The following PPM1H variants were observed in gnomAD, a reference collection of about 807,000 sequenced individuals.
The protein encoded by PPM1H is protein phosphatase, Mg2+/Mn2+ dependent 1H.
A neutral mutation model predicts 54.9 loss-of-function variants in PPM1H; 27 were observed. The observed-to-expected ratio is 0.49, with a 90% CI of 0.36 to 0.68. The LOEUF (loss-of-function observed/expected upper bound fraction) is 0.68. Among genes scored for constraint, PPM1H ranks in the 30% least tolerant of loss-of-function variants. The probability of loss-of-function intolerance (pLI) is 0.00; values close to 1 mark genes in which losing one functional copy is unlikely to be tolerated. For synonymous variants in PPM1H, 305 were observed against 270.8 expected, an observed-to-expected ratio of 1.13 and a Z score of -1.24; for missense variants, 596 against 667.8, an observed-to-expected ratio of 0.89 and a Z score of 1.19.
intron 2 of PPM1H, among the ~76,000 whole-genome samples, chr12:62,804,666 C>CTTTTTTTTT (rs1162966258): frequency 7.4e-6 from 1 of 134,282 alleles, no homozygotes; most frequent in African/African-American, 2.9e-5. Flanking sequence ...TGGTTAATTT[C>CTTTTTTTTT]TTTTTTTTTC....
chr12:62,924,650 T>C (rs1419612383), intron 1 of PPM1H, among the ~76,000 whole-genome samples: 1 of 152,230 alleles, frequency 6.6e-6, no homozygotes, highest in African/African-American at 2.4e-5. Flanking sequence ...AAAAACAGAA[T>C]ACATTTTCTT....
intron 4 of PPM1H, among the ~76,000 whole-genome samples, chr12:62,773,514 G>A (rs1025309530): frequency 1.3e-5 from 2 of 151,966 alleles, no homozygotes; most frequent in Non-Finnish European, 2.9e-5. Flanking sequence ...GAAAAATAAA[G>A]GGATGAAAGA....
At chr12:62,842,591 A>G (rs1368635265) in intron 1 of PPM1H, among the ~76,000 whole-genome samples, 1 of 152,238 alleles carries the variant, frequency 6.6e-6, no homozygotes, top group East Asian at 1.9e-4. Context: ...ATATTGGACT[A>G]TCTAGGCCTC....
chr12:62,856,430 C>T (rs1343246049), intron 1 of PPM1H, among the ~76,000 whole-genome samples: 1 of 152,148 alleles, frequency 6.6e-6, no homozygotes, highest in Non-Finnish European at 1.5e-5. Context: ...TGCCCAGTGT[C>T]CCACAAACCA....
chr12:62,883,912 G>A (rs744477), intron 1 of PPM1H, among the ~76,000 whole-genome samples: 5,801 of 151,836 alleles, frequency 0.038, 382 homozygotes, highest in African/African-American at 0.12. Flanking sequence ...AACAGAGTCT[G>A]AGGTCTATTT....
At chr12:62,680,439 T>A (rs2076013266) in intron 8 of PPM1H, among the ~76,000 whole-genome samples, 1 of 152,110 alleles carries the variant, frequency 6.6e-6, no homozygotes, top group African/African-American at 2.4e-5. Context: ...TACCTTAGCC[T>A]CCAAGTAGCT....
chr12:62,848,192 ATAAAT>A (rs1319346644), intron 1 of PPM1H, among the ~76,000 whole-genome samples: 4 of 152,360 alleles, frequency 2.6e-5, no homozygotes, highest in Non-Finnish European at 4.4e-5. Flanking sequence ...GACATGAAGT[ATAAAT>A]TAATCAGTAA....
intron 9 of PPM1H, among the ~76,000 whole-genome samples, chr12:62,659,463 G>A (rs909717560): frequency 4.6e-5 from 7 of 152,192 alleles, no homozygotes; most frequent in Non-Finnish European, 1.0e-4. Context: ...ATGGTGTGAG[G>A]GTCAGAACAC....
chr12:62,876,916 C>T (rs541443972), intron 1 of PPM1H, among the ~76,000 whole-genome samples: 21 of 152,298 alleles, frequency 1.4e-4, no homozygotes, highest in South Asian at 4.1e-4. Flanking sequence ...TTTTTAAGCA[C>T]ACACCCACAT....
At chr12:62,925,381 C>A (rs1168018149) in intron 1 of PPM1H, among the ~76,000 whole-genome samples, 3 of 152,080 alleles carry the variant, frequency 2.0e-5, no homozygotes, top group Non-Finnish European at 4.4e-5. Flanking sequence ...GAGTTCAAGA[C>A]CAGCCTGGGC....
At chr12:62,738,349 T>A (rs531819272) in intron 4 of PPM1H, among the ~76,000 whole-genome samples, 1 of 151,858 alleles carries the variant, frequency 6.6e-6, no homozygotes, top group African/African-American at 2.4e-5. Flanking sequence ...TAGGGTGATA[T>A]CCTGGGTCCA....
At chr12:62,778,444 T>C (rs1414425872) in intron 4 of PPM1H, among the ~76,000 whole-genome samples, 2 of 152,120 alleles carry the variant, frequency 1.3e-5, no homozygotes, top group East Asian at 1.9e-4. Flanking sequence ...ACACCCTTTC[T>C]TGAGTGCTCC....
chr12:62,896,663 T>C (rs561762325), intron 1 of PPM1H, among the ~76,000 whole-genome samples: 152 of 152,292 alleles, frequency 1.0e-3, no homozygotes, highest in South Asian at 7.9e-3. Flanking sequence ...GACTGTAAAC[T>C]AGTTCAACCA....
chr12:62,755,733 C>T (rs1592581922), intron 4 of PPM1H: 7 of 739,968 alleles, frequency 9.5e-6, no homozygotes, highest in East Asian at 2.5e-5. Context: ...ACTCCGGTAT[C>T]GTGGAAGGAC....
At chr12:62,726,336 A>G (rs2076289075) in intron 5 of PPM1H, among the ~76,000 whole-genome samples, 1 of 152,220 alleles carries the variant, frequency 6.6e-6, no homozygotes, top group Non-Finnish European at 1.5e-5. Context: ...TCTTATATGC[A>G]CACATGTTTA....
At chr12:62,803,249 T>G (rs951285501) in intron 2 of PPM1H, among the ~76,000 whole-genome samples, 3 of 152,152 alleles carry the variant, frequency 2.0e-5, no homozygotes, top group African/African-American at 7.2e-5. Flanking sequence ...CTACGTTGGG[T>G]TTAGTGGCTG....
chr12:62,932,818 A>T (rs1352625482), intron 1 of PPM1H, among the ~76,000 whole-genome samples: 3 of 151,524 alleles, frequency 2.0e-5, no homozygotes, highest in Non-Finnish European at 2.9e-5. Context: ...TATTTTTAGT[A>T]GAGACAGGGT....
chr12:62,737,271 G>C (rs1332004766), intron 5 of PPM1H, among the ~76,000 whole-genome samples: 6 of 151,054 alleles, frequency 4.0e-5, no homozygotes, highest in African/African-American at 1.2e-4. Flanking sequence ...GTCTTCAATT[G>C]GTCACAGATG....
intron 6 of PPM1H, among the ~76,000 whole-genome samples, chr12:62,718,259 T>A (rs1417015519): frequency 6.6e-6 from 1 of 152,216 alleles, no homozygotes; most frequent in Non-Finnish European, 1.5e-5. Flanking sequence ...CTTACCTTTA[T>A]CCCTTGGCCT....
Sources: gnomAD v4.1 joint callset for allele counts (sites outside exome capture counted in the v4.1 genomes callset) on GRCh38, gnomAD v4.1.1 for gene constraint, MANE v1.5 for transcripts, NCBI Gene and HGNC (gene_info 2026-07-23, HGNC 2026-07-21) for gene names.